The following KCNMB2 variants were observed in gnomAD, a reference collection of about 807,000 sequenced individuals.
KCNMB2 encodes the protein potassium calcium-activated channel subfamily M regulatory beta subunit 2.
Under a neutral mutation model 24.5 loss-of-function variants are expected in KCNMB2, and 9 were observed. The ratio of observed to expected loss-of-function variants is 0.37; its 90% CI spans 0.22 to 0.64. KCNMB2 has a LOEUF of 0.64. Ranked by LOEUF, KCNMB2 falls within the 30% of genes least tolerant of loss-of-function variation. KCNMB2 has a pLI of 0.63. For missense variants in KCNMB2, 226 were observed against 284.3 expected, an observed-to-expected ratio of 0.79 and a Z score of 1.47; for synonymous variants, 109 against 104.4, an observed-to-expected ratio of 1.04 and a Z score of -0.27.
chr3:178,680,525 T>C (rs1034892705), intron 1 of KCNMB2, among the ~76,000 whole-genome samples: 1 of 152,214 alleles, frequency 6.6e-6, no homozygotes, highest in Non-Finnish European at 1.5e-5. Context: ...AAACTCTTTA[T>C]ATTACATTTT....
intron 1 of KCNMB2, among the ~76,000 whole-genome samples, chr3:178,757,424 G>A (rs201700594): frequency 3.6e-4 from 11 of 30,414 alleles, no homozygotes; most frequent in South Asian, 1.0e-3. Context: ...ATATATATAT[G>A]TATATATATC....
intron 1 of KCNMB2, among the ~76,000 whole-genome samples, chr3:178,779,767 T>C (rs1265110538): frequency 6.6e-6 from 1 of 152,144 alleles, no homozygotes; most frequent in African/African-American, 2.4e-5. Flanking sequence ...TTGTAGTTGT[T>C]CTCTTTTTGA....
intron 1 of KCNMB2, among the ~76,000 whole-genome samples, chr3:178,624,586 CTTTT>C: frequency 1.2e-5 from 1 of 80,188 alleles, no homozygotes; most frequent in Middle Eastern, 6.7e-3. Flanking sequence ...TCTATTTTTT[CTTTT>C]TTTCTTTCTT....
intron 4 of KCNMB2, among the ~76,000 whole-genome samples, chr3:178,839,891 T>C (rs1715366348): frequency 6.6e-6 from 1 of 152,172 alleles, no homozygotes; most frequent in South Asian, 2.1e-4. Context: ...CCAAATCTCA[T>C]GTCCTTTATA....
At chr3:178,712,625 C>T (rs1049968772) in intron 1 of KCNMB2, among the ~76,000 whole-genome samples, 1 of 152,136 alleles carries the variant, frequency 6.6e-6, no homozygotes, top group Non-Finnish European at 1.5e-5. Context: ...AGGAACCCTA[C>T]AAGCATTTGC....
intron 1 of KCNMB2, among the ~76,000 whole-genome samples, chr3:178,756,482 T>C (rs1724045866): frequency 6.6e-6 from 1 of 152,178 alleles, no homozygotes; most frequent in African/African-American, 2.4e-5. Context: ...TATGACTTCA[T>C]ATATATTTTC....
At chr3:178,721,014 A>T (rs1306388429) in intron 1 of KCNMB2, among the ~76,000 whole-genome samples, 2 of 151,684 alleles carry the variant, frequency 1.3e-5, no homozygotes, top group East Asian at 3.9e-4. Context: ...TTTTGTTGCC[A>T]TTGCTTTTGG....
At chr3:178,621,982 A>ATCC (rs1718940456) in intron 1 of KCNMB2, among the ~76,000 whole-genome samples, 1 of 152,202 alleles carries the variant, frequency 6.6e-6, no homozygotes, top group African/African-American at 2.4e-5. Flanking sequence ...CTAGCTGTGA[A>ATCC]ATCCCTCAAG....
chr3:178,561,799 A>G (rs1716326589), intron 1 of KCNMB2, among the ~76,000 whole-genome samples: 1 of 152,228 alleles, frequency 6.6e-6, no homozygotes, highest in Non-Finnish European at 1.5e-5. Context: ...AGGAAGAGTG[A>G]CAAAATAAGA....
At chr3:178,651,849 G>T (rs1022368980) in intron 1 of KCNMB2, among the ~76,000 whole-genome samples, 1 of 152,148 alleles carries the variant, frequency 6.6e-6, no homozygotes, top group Admixed American at 6.5e-5. Flanking sequence ...AAACAGTGTT[G>T]GGAAAACTGG....
At chr3:178,654,257 C>A (rs867111479) in intron 1 of KCNMB2, among the ~76,000 whole-genome samples, 11 of 151,794 alleles carry the variant, frequency 7.2e-5, no homozygotes, top group Admixed American at 4.6e-4. Flanking sequence ...TACGTTGATT[C>A]TTCTTGTTTG....
In KCNMB2 at chr3:178,614,247, TTATATATATATATATATA is replaced by T. The variant is rs776751246; in HGVS notation, c.-68+77568_-68+77585del. Among the ~76,000 whole-genome samples, 184 of 53,470 alleles carry T rather than the reference TTATATATATATATATATA, an allele frequency of 3.4e-3. 4 individuals carry two copies. The highest frequency in any genetic ancestry group is 0.011 in the South Asian group (16 of 1,456). 35.1% of individuals were successfully genotyped at this position (53,470 alleles called of 152,430 possible). A position where few individuals can be genotyped will look rare whatever the true frequency, so the allele number is the denominator to read the frequency against. On this transcript the variant is annotated intron_variant, in intron 1 of 4. Coordinates refer to ENST00000452583, the MANE Select transcript of KCNMB2 (RefSeq NM_181361.3). ...AGACATACCTAAGACTGGGCTAATT[TTATATATATATATATATA>T]TATATATATATATATATATATATAT...
At chr3:178,604,928 C>G (rs973237456) in intron 1 of KCNMB2, among the ~76,000 whole-genome samples, 1 of 152,142 alleles carries the variant, frequency 6.6e-6, no homozygotes, top group Non-Finnish European at 1.5e-5. Flanking sequence ...ATACTCATAA[C>G]TGTGATATAA....
intron 1 of KCNMB2, among the ~76,000 whole-genome samples, chr3:178,660,848 C>T (rs1720500161): frequency 6.6e-6 from 1 of 152,062 alleles, no homozygotes. Flanking sequence ...CCAGCATTTT[C>T]TTCCTACATG....
rs9844045 is a variant in KCNMB2, at chr3:178,677,415, T to C, written c.-67-129928T>C. Reference sequence around the variant, plus strand: ...GAGACAAGAAGACATGAGGAGGGACTCACACAGATAAGCCTGGGCACGTGG... The same window carrying C: ...GAGACAAGAAGACATGAGGAGGGACCCACACAGATAAGCCTGGGCACGTGG... On this transcript the variant is annotated intron_variant, in intron 1 of 4. Coordinates refer to ENST00000452583, the MANE Select transcript of KCNMB2 (RefSeq NM_181361.3). 6.5e-3 allele frequency among the ~76,000 whole-genome samples: 995 copies of C among 152,266 alleles called. 9 individuals carry two copies. Among genetic ancestry groups the C allele is most frequent in the African/African-American group, 0.023 (936 of 41,546 alleles).
chr3:178,542,960 C>G (rs1266181561), intron 1 of KCNMB2, among the ~76,000 whole-genome samples: 8 of 152,158 alleles, frequency 5.3e-5, no homozygotes, highest in Non-Finnish European at 5.9e-5. Flanking sequence ...ATGAAATAAC[C>G]TGTGCCCAGG....
At chr3:178,750,444 A>G (rs1723805863) in intron 1 of KCNMB2, among the ~76,000 whole-genome samples, 1 of 152,196 alleles carries the variant, frequency 6.6e-6, no homozygotes, top group Non-Finnish European at 1.5e-5. Flanking sequence ...AGCTTTAAAC[A>G]GTCTTCATTG....
At chr3:178,674,459 T>C (rs973576302) in intron 1 of KCNMB2, among the ~76,000 whole-genome samples, 62 of 152,200 alleles carry the variant, frequency 4.1e-4, no homozygotes, top group African/African-American at 1.3e-3. Context: ...CTAGAAGACA[T>C]CCTTGGCTCC....
At chr3:178,788,614 C>T (rs1036524254) in intron 1 of KCNMB2, among the ~76,000 whole-genome samples, 2 of 152,100 alleles carry the variant, frequency 1.3e-5, no homozygotes, top group Non-Finnish European at 2.9e-5. Flanking sequence ...GAAAATGAAA[C>T]TCAGGGAAAT....
Sources: gnomAD v4.1 joint callset for allele counts (sites outside exome capture counted in the v4.1 genomes callset) on GRCh38, gnomAD v4.1.1 for gene constraint, MANE v1.5 for transcripts, NCBI Gene and HGNC (gene_info 2026-07-23, HGNC 2026-07-21) for gene names.